LEKR1: variants seen among roughly 807,000 people sequenced by gnomAD.
LEKR1 encodes the protein protein LEKR1.
A neutral mutation model predicts 72.4 loss-of-function variants in LEKR1; 59 were observed. The ratio of observed to expected loss-of-function variants is 0.82; its 90% CI spans 0.66 to 1.01. The LOEUF (loss-of-function observed/expected upper bound fraction) is 1.01. Ranked by LOEUF, LEKR1 falls within the 50% of genes least tolerant of loss-of-function variation. LEKR1 has a pLI of 0.00. For synonymous variants in LEKR1, 257 were observed against 263.2 expected (o/e 0.98, Z 0.23); for missense variants, 728 against 759.2 (o/e 0.96, Z 0.48).
intron 10 of LEKR1, among the ~76,000 whole-genome samples, chr3:157,012,030 T>G (rs959518200): frequency 6.6e-6 from 1 of 152,140 alleles, no homozygotes; most frequent in African/African-American, 2.4e-5. Context: ...GTTTTGGTCT[T>G]TGGACTTTTT....
At chr3:156,961,710 C>T (rs1329234302) in intron 6 of LEKR1, among the ~76,000 whole-genome samples, 1 of 152,098 alleles carries the variant, frequency 6.6e-6, no homozygotes, top group East Asian at 1.9e-4. Flanking sequence ...AACAGTTCTG[C>T]TTTCTGGTAC....
chr3:156,914,549 TATC>T (rs2108569938), intron 3 of LEKR1, among the ~76,000 whole-genome samples: 1 of 152,296 alleles, frequency 6.6e-6, no homozygotes, highest in African/African-American at 2.4e-5. Context: ...ACATTTTCTT[TATC>T]CAGTTTATCA....
chr3:156,988,751 A>G (rs1036805907), intron 7 of LEKR1: 10 of 183,990 alleles, frequency 5.4e-5, no homozygotes, highest in Non-Finnish European at 7.5e-5. Flanking sequence ...TGTATCTTTG[A>G]GGGGGAGGGA....
At chr3:156,901,796 C>T (rs1722062994) in intron 3 of LEKR1, among the ~76,000 whole-genome samples, 1 of 152,164 alleles carries the variant, frequency 6.6e-6, no homozygotes, top group South Asian at 2.1e-4. Flanking sequence ...AAGTGATTCT[C>T]CTACCTCAGC....
intron 5 of LEKR1, among the ~76,000 whole-genome samples, chr3:156,932,734 G>A (rs1302083446): frequency 7.1e-6 from 1 of 141,744 alleles, no homozygotes; most frequent in Non-Finnish European, 1.5e-5. Context: ...GGGTATCTAT[G>A]TTATTAAATG....
At chr3:157,014,415 A>G (rs1013365721) in intron 10 of LEKR1, among the ~76,000 whole-genome samples, 11 of 152,102 alleles carry the variant, frequency 7.2e-5, no homozygotes, top group African/African-American at 2.2e-4. Context: ...AGTTTACTTC[A>G]AGAAATAGTC....
chr3:156,958,607 A>G (rs1178158994), intron 6 of LEKR1, among the ~76,000 whole-genome samples: 1 of 152,066 alleles, frequency 6.6e-6, no homozygotes, highest in Admixed American at 6.6e-5. Flanking sequence ...TTCTAACCAC[A>G]ATAGATGTTC....
In LEKR1 at chr3:156,895,610, C is replaced by CA. The variant is rs574558103; in HGVS notation, c.264-24955dup. ...TGGACGACAGAGGGAGACCTTGTCT[C>CA]AAAAAAAAAACAAAAACAGAAACAA... On this transcript the variant is annotated intron_variant, in intron 3 of 12. Transcript: ENST00000356539. Among the ~76,000 whole-genome samples, 521 of 140,948 alleles carry CA rather than the reference C, an allele frequency of 3.7e-3. 1 individual carries two copies. Among genetic ancestry groups the CA allele is most frequent in the African/African-American group, 6.9e-3 (264 of 38,336 alleles). 92.5% of individuals were successfully genotyped at this position (140,948 alleles called of 152,430 possible).
chr3:156,958,624 A>G (rs1250103562), intron 6 of LEKR1, among the ~76,000 whole-genome samples: 2 of 152,054 alleles, frequency 1.3e-5, no homozygotes, highest in African/African-American at 4.8e-5. Context: ...GTTCCCATCT[A>G]TTGACCTTGG....
intron 2 of LEKR1, among the ~76,000 whole-genome samples, chr3:156,851,941 C>A (rs1295888484): frequency 6.6e-6 from 1 of 152,238 alleles, no homozygotes; most frequent in Middle Eastern, 3.4e-3. Context: ...GAACTATCTC[C>A]CTTCTGACTT....
At chr3:157,007,582 A>T (rs1732561230) in intron 9 of LEKR1, among the ~76,000 whole-genome samples, 1 of 152,228 alleles carries the variant, frequency 6.6e-6, no homozygotes, top group Admixed American at 6.5e-5. Context: ...TTGCTATGAG[A>T]CTTGGTCAAT....
intron 5 of LEKR1, among the ~76,000 whole-genome samples, chr3:156,937,555 A>G (rs1725828944): frequency 6.6e-6 from 1 of 152,358 alleles, no homozygotes; most frequent in African/African-American, 2.4e-5. Context: ...TAGTTTACTC[A>G]GCACTGCTGG....
chr3:156,830,517 T>C (rs1712236519), intron 2 of LEKR1, among the ~76,000 whole-genome samples: 1 of 152,188 alleles, frequency 6.6e-6, no homozygotes, highest in Non-Finnish European at 1.5e-5. Flanking sequence ...CCATTAGATA[T>C]GTATATATAA....
At chr3:156,915,055 G>T (rs929530753) in intron 3 of LEKR1, among the ~76,000 whole-genome samples, 1 of 151,730 alleles carries the variant, frequency 6.6e-6, no homozygotes, top group African/African-American at 2.4e-5. Flanking sequence ...CTTTCCTATT[G>T]CTGTGTTAGC....
At chr3:156,902,603 A>T (rs1164216100) in intron 3 of LEKR1, among the ~76,000 whole-genome samples, 1 of 152,176 alleles carries the variant, frequency 6.6e-6, no homozygotes, top group Non-Finnish European at 1.5e-5. Context: ...ATTGTTATAC[A>T]TTTCATAACC....
In LEKR1 at chr3:156,851,519, ATTATCT is replaced by A. The variant is rs541121955; in HGVS notation, c.49-1244_49-1239del. Among the ~76,000 whole-genome samples, 513 of 152,302 alleles carry A rather than the reference ATTATCT, an allele frequency of 3.4e-3. 3 individuals carry two copies. Among genetic ancestry groups the A allele is most frequent in the Non-Finnish European group, 5.8e-3 (394 of 68,016 alleles). On this transcript the variant is annotated intron_variant, in intron 2 of 12. Transcript: ENST00000356539. ...TGAATCCATCTAGAGCTTGAACCAG[ATTATCT>A]TTATGATTACTTTTATAAATCTATA...
At chr3:156,951,001 T>A (rs1446070320) in intron 6 of LEKR1, among the ~76,000 whole-genome samples, 2 of 151,700 alleles carry the variant, frequency 1.3e-5, no homozygotes, top group East Asian at 3.9e-4. Flanking sequence ...TGGTTTTGGG[T>A]TTGGCATAGA....
intron 3 of LEKR1, among the ~76,000 whole-genome samples, chr3:156,868,106 T>A (rs1171882734): frequency 6.6e-6 from 1 of 152,044 alleles, no homozygotes; most frequent in Non-Finnish European, 1.5e-5. Context: ...AATTGCATCA[T>A]TTATACTGGC....
Position 156,849,327 on chromosome 3 carries a change from A to G in LEKR1, c.49-3441A>G, listed in dbSNP as rs1172264868. ...GAATCAATATCATGAAAATGGCCATATTGCCCAAGGTAATTTATAGATTCA... is the reference window on the plus strand; with the variant it reads ...GAATCAATATCATGAAAATGGCCATGTTGCCCAAGGTAATTTATAGATTCA... On this transcript the variant is annotated intron_variant, in intron 2 of 12. Transcript: ENST00000356539. Among the ~76,000 whole-genome samples the G allele has an allele frequency of 2.0e-5, 3 of 152,170 alleles. No individual in the cohort carries two copies. In the East Asian group the frequency reaches 5.8e-4, roughly 29 times the overall value.
Sources: gnomAD v4.1 joint callset for allele counts (sites outside exome capture counted in the v4.1 genomes callset) on GRCh38, gnomAD v4.1.1 for gene constraint, MANE v1.5 for transcripts, NCBI Gene and HGNC (gene_info 2026-07-23, HGNC 2026-07-21) for gene names.